PDE4D: variants seen among roughly 807,000 people sequenced by gnomAD.
The protein encoded by PDE4D is phosphodiesterase 4D.
In PDE4D, 24 loss-of-function variants were observed where a neutral mutation model predicts 87.4. That is an observed-to-expected ratio of 0.27 (90% CI 0.20 to 0.39). PDE4D has a LOEUF of 0.39. Among genes scored for constraint, PDE4D ranks in the 10% least tolerant of loss-of-function variants. PDE4D has a pLI of 1.00. For synonymous variants in PDE4D, 384 were observed against 383.2 expected, an observed-to-expected ratio of 1.00 and a Z score of -0.02; for missense variants, 714 against 1,041.0, an observed-to-expected ratio of 0.69 and a Z score of 4.32.
At position 60,188,845 on chromosome 5, in the gene PDE4D, C is replaced by T. The variant is rs182028175; in HGVS notation, c.-89-3158G>A. On this transcript the variant is annotated intron_variant, in intron 1 of 16. Transcript: ENST00000502484. ...CCTGATTTGTCTGCCTCAAAATCCA[C>T]GTTTTTGTCTACTCTTCCATAGTGC... 2.0e-3 allele frequency among the ~76,000 whole-genome samples: 300 copies of T among 152,298 alleles called. 4 individuals are homozygous for T. Among genetic ancestry groups the T allele is most frequent in the African/African-American group, 7.0e-3 (289 of 41,562 alleles).
intron 2 of PDE4D, among the ~76,000 whole-genome samples, chr5:59,200,263 ATATG>A (rs1746829177): frequency 9.0e-6 from 1 of 111,062 alleles, no homozygotes; most frequent in Non-Finnish European, 1.8e-5. Context: ...GTATACATAC[ATATG>A]TGTATGTACA....
At chr5:59,596,031 C>T (rs1199280968) in intron 1 of PDE4D, among the ~76,000 whole-genome samples, 2 of 150,860 alleles carry the variant, frequency 1.3e-5, no homozygotes, top group Non-Finnish European at 3.0e-5. Context: ...TATATTTTTG[C>T]AGTGTTTTCA....
At chr5:59,642,302 A>T (rs1327327748) in intron 1 of PDE4D, among the ~76,000 whole-genome samples, 1 of 152,050 alleles carries the variant, frequency 6.6e-6, no homozygotes, top group Non-Finnish European at 1.5e-5. Flanking sequence ...TATAATTTCA[A>T]ATGTTTTCAT....
upstream of PDE4D, among the ~76,000 whole-genome samples, chr5:60,491,763 G>C (rs1749545138): frequency 6.6e-6 from 1 of 152,182 alleles, no homozygotes. Context: ...CATGGTGGTT[G>C]GTAGAAACTC....
At chr5:59,129,798 G>A (rs1325741842) in intron 5 of PDE4D, among the ~76,000 whole-genome samples, 1 of 152,000 alleles carries the variant, frequency 6.6e-6, no homozygotes, top group African/African-American at 2.4e-5. Context: ...TTGGAAACCT[G>A]GCTTAACCAC....
intron 1 of PDE4D, among the ~76,000 whole-genome samples, chr5:59,457,912 AAAAG>A: frequency 6.6e-6 from 1 of 152,154 alleles, no homozygotes; most frequent in Non-Finnish European, 1.5e-5. Context: ...AAAGAAAAAG[AAAAG>A]AAAGAAAGAA....
chr5:59,953,598 C>G (rs1253574776), intron 3 of PDE4D, among the ~76,000 whole-genome samples: 1 of 152,160 alleles, frequency 6.6e-6, no homozygotes, highest in African/African-American at 2.4e-5. Flanking sequence ...AACATCATGT[C>G]ACAGTTCTCA....
chr5:59,609,151 A>T (rs748788993), intron 1 of PDE4D, among the ~76,000 whole-genome samples: 5 of 152,134 alleles, frequency 3.3e-5, no homozygotes, highest in African/African-American at 4.8e-5. Flanking sequence ...GATATGTCAT[A>T]AAAGGCAGGA....
chr5:59,415,839 C>T (rs553157400), intron 1 of PDE4D, among the ~76,000 whole-genome samples: 1 of 152,198 alleles, frequency 6.6e-6, no homozygotes, highest in African/African-American at 2.4e-5. Context: ...TTACCTATTT[C>T]TTTTTACCTT....
intron 1 of PDE4D, among the ~76,000 whole-genome samples, chr5:60,513,998 C>T (rs1484422439): frequency 6.6e-6 from 1 of 150,906 alleles, no homozygotes. Context: ...GAATAGAAAT[C>T]AATGAAAATT....
rs558360158 is a variant in PDE4D at position 59,778,775 on chromosome 5, A to AT, written c.455+114392dup. 2.2e-4 allele frequency among the ~76,000 whole-genome samples: 34 copies of AT among 152,308 alleles called. 1 individual carries two copies. The East Asian group carries it at 6.6e-3, about 29-fold the overall frequency. On this transcript the variant is annotated intron_variant, in intron 1 of 14. Coordinates refer to ENST00000340635, the MANE Select transcript of PDE4D (RefSeq NM_001104631.2). ...AAATGATTTTGCCGTTTGTTTTACT[A>AT]TTTTTTATGCTTTTAGATAGTTAAC...
intron 1 of PDE4D, among the ~76,000 whole-genome samples, chr5:59,294,510 G>A (rs1768674577): frequency 6.6e-6 from 1 of 152,082 alleles, no homozygotes; most frequent in Non-Finnish European, 1.5e-5. Context: ...TGGTGGTGAG[G>A]AACACCTTGT....
At chr5:60,324,155 T>C (rs1756563135) in intron 1 of PDE4D, among the ~76,000 whole-genome samples, 1 of 152,202 alleles carries the variant, frequency 6.6e-6, no homozygotes. Flanking sequence ...TTGCAAACAC[T>C]CAAAAGAATT....
At chr5:59,546,519 T>C (rs1190607191) in intron 1 of PDE4D, among the ~76,000 whole-genome samples, 3 of 152,116 alleles carry the variant, frequency 2.0e-5, no homozygotes, top group Non-Finnish European at 4.4e-5. Flanking sequence ...AGGATGGATA[T>C]ATGACAGATG....
At chr5:60,382,079 T>C (rs1174846393) in intron 1 of PDE4D, among the ~76,000 whole-genome samples, 1 of 152,174 alleles carries the variant, frequency 6.6e-6, no homozygotes, top group African/African-American at 2.4e-5. Context: ...CATTTTAAAA[T>C]CAGCTGTATT....
chr5:60,249,825 A>G (rs958910457), intron 1 of PDE4D, among the ~76,000 whole-genome samples: 1 of 152,016 alleles, frequency 6.6e-6, no homozygotes, highest in Non-Finnish European at 1.5e-5. Flanking sequence ...GAAACCACAC[A>G]TAACATTCCA....
chr5:59,015,230 G>C (rs377289835), intron 6 of PDE4D, among the ~76,000 whole-genome samples: 2 of 151,712 alleles, frequency 1.3e-5, no homozygotes, highest in Non-Finnish European at 2.9e-5. Flanking sequence ...CTTCATGTCT[G>C]AAACACCAAA....
At chr5:60,230,424 C>G (rs902317830) in intron 1 of PDE4D, among the ~76,000 whole-genome samples, 2 of 152,054 alleles carry the variant, frequency 1.3e-5, no homozygotes, top group Non-Finnish European at 2.9e-5. Flanking sequence ...AAAGTGGAAA[C>G]TTATTCTAGT....
At chr5:60,059,957 G>A (rs1222063664) in intron 2 of PDE4D, among the ~76,000 whole-genome samples, 1 of 151,906 alleles carries the variant, frequency 6.6e-6, no homozygotes, top group Non-Finnish European at 1.5e-5. Context: ...AGCCCAATCA[G>A]CTTTTCATTC....
Sources: allele counts gnomAD v4.1 joint callset (sites outside exome capture counted in the v4.1 genomes callset), GRCh38; gene constraint gnomAD v4.1.1; transcripts MANE v1.5; gene names NCBI Gene and HGNC (gene_info 2026-07-23, HGNC 2026-07-21).